The following LNX1 variants were observed in gnomAD, a reference collection of about 807,000 sequenced individuals.
LNX1 encodes the protein ligand of numb-protein X 1, also known as E3 ubiquitin-protein ligase LNX.
A neutral mutation model predicts 68.4 loss-of-function variants in LNX1; 54 were observed. The ratio of observed to expected loss-of-function variants is 0.79; its 90% CI spans 0.63 to 0.99. LNX1 has a LOEUF of 0.99. Ranked by LOEUF, LNX1 falls within the 50% of genes least tolerant of loss-of-function variation. The pLI, the probability that LNX1 is intolerant of heterozygous loss-of-function variation, is 0.00. For synonymous variants in LNX1, 336 were observed against 350.0 expected, an observed-to-expected ratio of 0.96 and a Z score of 0.45; for missense variants, 906 against 926.4, an observed-to-expected ratio of 0.98 and a Z score of 0.29.
intron 2 of LNX1, chr4:53,538,996 G>C (rs1255329289): frequency 6.6e-6 from 1 of 152,234 alleles, no homozygotes; most frequent in East Asian, 1.9e-4. Context: ...GGGTTGAAGG[G>C]GATCCAGAAG....
intron 6 of LNX1, among the ~76,000 whole-genome samples, chr4:53,482,990 T>C (rs1374886641): frequency 6.6e-6 from 1 of 152,204 alleles, no homozygotes; most frequent in South Asian, 2.1e-4. Flanking sequence ...GCAAATATAG[T>C]ACTTATTGGA....
At chr4:53,468,093 A>G (rs906465557) in intron 9 of LNX1, among the ~76,000 whole-genome samples, 1 of 152,238 alleles carries the variant, frequency 6.6e-6, no homozygotes, top group Non-Finnish European at 1.5e-5. Context: ...GCCAGAGAGA[A>G]AGGTCGGGTT....
chr4:53,526,253 A>T (rs1394194594), intron 2 of LNX1, among the ~76,000 whole-genome samples: 2 of 152,200 alleles, frequency 1.3e-5, no homozygotes, highest in East Asian at 3.8e-4. Flanking sequence ...TCATGTTGAT[A>T]TCAGAAATTC....
chr4:53,590,592 CAGAACAACTTCCTCGG>C (rs1388763917), intron 1 of LNX1, among the ~76,000 whole-genome samples: 1 of 151,982 alleles, frequency 6.6e-6, no homozygotes, highest in Non-Finnish European at 1.5e-5. Context: ...CAGGTCCTGG[CAGAACAACTTCCTCGG>C]TATATTTGCT....
At chr4:53,556,559 T>G (rs1475954175) in intron 2 of LNX1, among the ~76,000 whole-genome samples, 3 of 152,190 alleles carry the variant, frequency 2.0e-5, no homozygotes, top group African/African-American at 7.2e-5. Flanking sequence ...GAGAGAGGAA[T>G]GAGCCTTTTC....
intron 2 of LNX1, among the ~76,000 whole-genome samples, chr4:53,609,403 C>A (rs1733377238): frequency 6.6e-6 from 1 of 151,054 alleles, no homozygotes; most frequent in Non-Finnish European, 1.5e-5. Context: ...AACCCATAAA[C>A]CATTGCCAAA....
intron 6 of LNX1, among the ~76,000 whole-genome samples, chr4:53,486,575 G>T (rs1378595723): frequency 6.6e-6 from 1 of 152,164 alleles, no homozygotes; most frequent in African/African-American, 2.4e-5. Flanking sequence ...GTTTCCTACT[G>T]CAGGGACAGT....
chr4:53,513,692 A>ATC (rs1726532931), intron 2 of LNX1, among the ~76,000 whole-genome samples: 1 of 152,204 alleles, frequency 6.6e-6, no homozygotes, highest in African/African-American at 2.4e-5. Context: ...ACTACTTTTC[A>ATC]TCATGGCTAC....
At position 53,478,567 on chromosome 4, in the gene LNX1, G is replaced by T; in HGVS notation, c.1661C>A (p.Thr554Lys). The T allele has an allele frequency of 3.1e-6, 5 of 1,605,054 alleles. No homozygotes were observed. The South Asian group carries it at 5.6e-5, about 18-fold the overall frequency. Residue 554 changes from threonine to lysine, a missense_variant and splice_region_variant, in exon 8 of 11, where the codon ACA becomes AAA. By Grantham distance (78) the Thr-to-Lys change is moderately conservative. Coordinates refer to ENST00000263925, the MANE Select transcript of LNX1 (RefSeq NM_001126328.3). ...TTTAAAATCCCTTTACTTTTTACCT[G>T]TTTTTATTCTTCCATCTCTGCTTAT... is the stretch of plus-strand genomic sequence containing the variant. ...GVISRDGRIK[T>K]GDILLNVDGV...
intron 2 of LNX1, among the ~76,000 whole-genome samples, chr4:53,605,460 G>A (rs1577786805): frequency 6.6e-6 from 1 of 151,990 alleles, no homozygotes; most frequent in South Asian, 2.1e-4. Flanking sequence ...ACCTAAATAT[G>A]TTCCCAGTAA....
Position 53,574,354 on chromosome 4 carries a change from A to G in LNX1, c.-86-266T>C, listed in dbSNP as rs189375432. Among the ~76,000 whole-genome samples, 149 of 152,342 alleles carry G rather than the reference A, an allele frequency of 9.8e-4. 1 individual carries two copies. Among genetic ancestry groups the G allele is most frequent in the Non-Finnish European group, 1.9e-3 (131 of 68,030 alleles). On this transcript the variant is annotated intron_variant, in intron 1 of 10. Transcript: ENST00000263925. ...GTGTGGTAAGAATCATTTGGGTAAT[A>G]TCTGGGAAATGCCTAAAGTAACTCT...
At chr4:53,559,077 T>A (rs1452007096) in intron 2 of LNX1, among the ~76,000 whole-genome samples, 1 of 152,168 alleles carries the variant, frequency 6.6e-6, no homozygotes, top group African/African-American at 2.4e-5. Context: ...GAAGGGATAA[T>A]TACATTCATC....
At chr4:53,470,443 C>G (rs1169299305) in intron 9 of LNX1, among the ~76,000 whole-genome samples, 3 of 152,122 alleles carry the variant, frequency 2.0e-5, no homozygotes, top group African/African-American at 7.2e-5. Flanking sequence ...ACAGGGATGC[C>G]CTCTCTCACC....
intron 1 of LNX1, among the ~76,000 whole-genome samples, chr4:53,588,776 A>G (rs908877782): frequency 2.6e-5 from 4 of 152,162 alleles, no homozygotes; most frequent in Non-Finnish European, 4.4e-5. Flanking sequence ...AGTAGAACCC[A>G]CTGACCTCAA....
intron 1 of LNX1, among the ~76,000 whole-genome samples, chr4:53,630,949 G>A (rs1734244662): frequency 6.6e-6 from 1 of 152,224 alleles, no homozygotes; most frequent in African/African-American, 2.4e-5. Flanking sequence ...CCACCAGGGT[G>A]GATCAGGGCT....
chr4:53,632,190 G>A (rs1734304859), intron 1 of LNX1, among the ~76,000 whole-genome samples: 2 of 152,162 alleles, frequency 1.3e-5, no homozygotes, highest in South Asian at 2.1e-4. Context: ...GCGGTGGCCA[G>A]GTCTTTGGAA....
intron 9 of LNX1, among the ~76,000 whole-genome samples, chr4:53,462,892 T>C (rs1383304547): frequency 6.6e-6 from 1 of 152,144 alleles, no homozygotes; most frequent in Admixed American, 6.5e-5. Flanking sequence ...CTTTGGGAGC[T>C]GTGGTGTGTC....
chr4:53,634,748 C>A (rs536185522), intron 1 of LNX1, among the ~76,000 whole-genome samples: 2 of 151,908 alleles, frequency 1.3e-5, no homozygotes, highest in African/African-American at 4.8e-5. Context: ...CGAGGGGTGG[C>A]GGTTTACTAA....
exon 1 of LNX1, chr4:53,617,453 C>T (rs186433713): frequency 1.3e-5 from 2 of 152,262 alleles, no homozygotes; most frequent in East Asian, 3.9e-4. Flanking sequence ...TCTCAAGAGG[C>T]TTAGAAACCC....
Sources: gnomAD v4.1 joint callset for allele counts (sites outside exome capture counted in the v4.1 genomes callset) on GRCh38, gnomAD v4.1.1 for gene constraint, MANE v1.5 for transcripts, NCBI Gene and HGNC (gene_info 2026-07-23, HGNC 2026-07-21) for gene names.